The following WDR27 variants were observed in gnomAD, a reference collection of about 807,000 sequenced individuals.
WDR27 encodes the protein WD repeat-containing protein 27.
A neutral mutation model predicts 114.4 loss-of-function variants in WDR27; 100 were observed. The observed-to-expected ratio is 0.87, with a 90% CI of 0.74 to 1.03. WDR27 has a LOEUF of 1.03. Among genes scored for constraint, WDR27 ranks in the 50% least tolerant of loss-of-function variants. The pLI, the probability that WDR27 is intolerant of heterozygous loss-of-function variation, is 0.00. For missense variants in WDR27, 1,129 were observed against 1,092.9 expected, an observed-to-expected ratio of 1.03 and a Z score of -0.47; for synonymous variants, 449 against 423.1, an observed-to-expected ratio of 1.06 and a Z score of -0.75.
At chr6:169,642,176 C>A (rs1007476796) in intron 17 of WDR27, among the ~76,000 whole-genome samples, 2 of 152,128 alleles carry the variant, frequency 1.3e-5, no homozygotes, top group African/African-American at 4.8e-5. Context: ...ACTCATTTTT[C>A]TGTGTTCTGG....
At chr6:169,664,104 A>G in intron 8 of WDR27, 62 bp downstream of exon 8, 3 of 1,450,586 alleles carry the variant, frequency 2.1e-6, no homozygotes, top group Non-Finnish European at 1.9e-6. Flanking sequence ...GGCCCTTGAC[A>G]TGGCGCCTGG....
At chr6:169,693,944 T>C (rs1785153078) in intron 1 of WDR27, among the ~76,000 whole-genome samples, 1 of 152,062 alleles carries the variant, frequency 6.6e-6, no homozygotes, top group African/African-American at 2.4e-5. Flanking sequence ...GAACAGAAAG[T>C]TAACAAAGAA....
chr6:169,518,013 ATCAT>A (rs1793896780), intron 25 of WDR27, among the ~76,000 whole-genome samples: 1 of 152,230 alleles, frequency 6.6e-6, no homozygotes, highest in African/African-American at 2.4e-5. Flanking sequence ...TTCCAAAATA[ATCAT>A]CTTTTCCTTT....
intron 24 of WDR27, among the ~76,000 whole-genome samples, chr6:169,580,691 T>C (rs963703817): frequency 1.3e-5 from 2 of 152,114 alleles, no homozygotes; most frequent in Non-Finnish European, 2.9e-5. Flanking sequence ...ATTTAAGTGA[T>C]CAGAAAACAT....
intron 25 of WDR27, among the ~76,000 whole-genome samples, chr6:169,534,970 TA>T (rs1306246746): frequency 1.0e-5 from 1 of 97,120 alleles, no homozygotes; most frequent in Non-Finnish European, 2.8e-5. Flanking sequence ...GGTATAATTT[TA>T]CAAAAAAAAA....
chr6:169,666,939 A>C (rs988307280), intron 6 of WDR27, 197 bp downstream of exon 6: 1 of 985,448 alleles, frequency 1.0e-6, no homozygotes, highest in Non-Finnish European at 1.2e-6. Flanking sequence ...TTTAATTTTA[A>C]GTGAAAAACA....
chr6:169,623,452 C>G (rs1813842244), intron 21 of WDR27, among the ~76,000 whole-genome samples: 1 of 152,320 alleles, frequency 6.6e-6, no homozygotes, highest in East Asian at 1.9e-4. Flanking sequence ...CTGGCTCTAT[C>G]TAGGCAGCAG....
At chr6:169,637,650 C>T (rs1178227342) in intron 18 of WDR27, among the ~76,000 whole-genome samples, 1 of 151,120 alleles carries the variant, frequency 6.6e-6, no homozygotes, top group Non-Finnish European at 1.5e-5. Flanking sequence ...GTGTATGCAT[C>T]TCCATGTGTG....
chr6:169,685,389 A>G (rs1782645982), intron 2 of WDR27, among the ~76,000 whole-genome samples: 1 of 152,200 alleles, frequency 6.6e-6, no homozygotes, highest in Admixed American at 6.5e-5. Context: ...AAAGAATTCA[A>G]AATAATAATT....
intron 25 of WDR27, among the ~76,000 whole-genome samples, chr6:169,552,180 C>T (rs1166097388): frequency 6.6e-6 from 1 of 152,186 alleles, no homozygotes; most frequent in Non-Finnish European, 1.5e-5. Context: ...CGTCCCACCA[C>T]CCGGCAGTCA....
chr6:169,638,427 C>T, intron 18 of WDR27, 112 bp downstream of exon 18: 2 of 1,356,444 alleles, frequency 1.5e-6, no homozygotes, highest in Admixed American at 2.7e-5. Flanking sequence ...AAAGCAAACT[C>T]TTGGCTTACG....
intron 25 of WDR27, among the ~76,000 whole-genome samples, chr6:169,489,614 TCA>T (rs1789466159): frequency 6.6e-6 from 1 of 152,184 alleles, no homozygotes; most frequent in Admixed American, 6.5e-5. Context: ...ATTGCATGCC[TCA>T]GTTTAAGGAG....
At chr6:169,464,398 G>A (rs1217107117) in intron 25 of WDR27, among the ~76,000 whole-genome samples, 1 of 152,030 alleles carries the variant, frequency 6.6e-6, no homozygotes, top group African/African-American at 2.4e-5. Flanking sequence ...ATGCATCAAA[G>A]ACGTAAATGT....
chr6:169,664,916 C>G (rs1348283217), intron 7 of WDR27: 1 of 116,886 alleles, frequency 8.6e-6, no homozygotes, highest in Non-Finnish European at 1.8e-5. Context: ...CGTGCGGGCA[C>G]GGGGGATGCC....
At chr6:169,560,307 G>A (rs112673391) in intron 25 of WDR27, among the ~76,000 whole-genome samples, 1,940 of 152,278 alleles carry the variant, frequency 0.013, 44 homozygotes, top group African/African-American at 0.044. Context: ...CCATGTCTGG[G>A]AGGCCTCCCC....
chr6:169,701,859 CAG>C lies in WDR27; in HGVS notation c.-318_-317del. 2 of 340,484 alleles carry C rather than the reference CAG, an allele frequency of 5.9e-6. No homozygotes were observed. Among genetic ancestry groups the C allele is most frequent in the Non-Finnish European group, 1.2e-5 (2 of 173,200 alleles). The allele number at this position is 340,484 out of a possible 1,614,324, so 21.1% of individuals were successfully genotyped here. On this transcript the variant is annotated 5_prime_UTR_variant, in exon 1 of 26. Coordinates refer to ENST00000448612, the MANE Select transcript of WDR27 (RefSeq NM_182552.5). ...AGCCCTGCGCCCTAGGCACACGCCC[CAG>C]AGCAGCAGCTCGGGTTCGGCGCCGA... is the stretch of plus-strand genomic sequence containing the variant.
At position 169,583,032 on chromosome 6, in the gene WDR27, T is replaced by C. The variant is rs190186544; in HGVS notation, c.2425-98A>G. 1.6e-4 allele frequency: 161 copies of C among 1,004,130 alleles called. 2 individuals carry two copies. In the East Asian group the frequency reaches 2.0e-3, roughly 13 times the overall value. The allele number at this position is 1,004,130 out of a possible 1,614,324, so 62.2% of individuals were successfully genotyped here. On this transcript the variant is annotated intron_variant, in intron 23 of 25. Coordinates refer to ENST00000448612, the MANE Select transcript of WDR27 (RefSeq NM_182552.5). ...AGGGACCATCTATAGATTAGTGTAG[T>C]TGATCAGATACAACAGCAACAACCA...
intron 25 of WDR27, among the ~76,000 whole-genome samples, chr6:169,533,339 T>C (rs960199008): frequency 6.6e-6 from 1 of 151,778 alleles, no homozygotes; most frequent in Non-Finnish European, 1.5e-5. Context: ...AACGATTGGG[T>C]GCTAGACAGA....
In WDR27 at chr6:169,696,317, C is replaced by T. The variant is rs114519971; in HGVS notation, c.-8+5234G>A. Among the ~76,000 whole-genome samples the T allele has an allele frequency of 1.9e-3, 292 of 152,216 alleles. 2 individuals carry two copies. Among genetic ancestry groups the T allele is most frequent in the Middle Eastern group, 0.01 (3 of 294 alleles). ...TGCTAGGAGATCTTGGGAAGAATGG[C>T]GCAGTGAAGCTTACGAGGAAGAAGT... On this transcript the variant is annotated intron_variant, in intron 1 of 25. Transcript: ENST00000448612.
Sources: allele counts gnomAD v4.1 joint callset (sites outside exome capture counted in the v4.1 genomes callset), GRCh38; gene constraint gnomAD v4.1.1; transcripts MANE v1.5; gene names NCBI Gene and HGNC (gene_info 2026-07-23, HGNC 2026-07-21).